The following GPR141 variants were observed in gnomAD, a reference collection of about 807,000 sequenced individuals.
GPR141 encodes probable G protein-coupled receptor 141.
Under a neutral mutation model 6.8 loss-of-function variants are expected in GPR141, and 6 were observed. The observed-to-expected ratio is 0.88, with a 90% CI of 0.48 to 1.74. GPR141 has a LOEUF of 1.74. Ranked by LOEUF, GPR141 falls within the 40% of genes most tolerant of loss-of-function variation. The pLI is 0.01. For synonymous variants in GPR141, 140 were observed against 142.3 expected (o/e 0.98, Z 0.11); for missense variants, 372 against 372.9 (o/e 1.00, Z 0.02).
chr7:37,706,982 C>T (rs1810553129), intron 2 of GPR141, among the ~76,000 whole-genome samples: 1 of 151,964 alleles, frequency 6.6e-6, no homozygotes, highest in Admixed American at 6.6e-5. Flanking sequence ...TCTTCTCTTC[C>T]ACGCCCACTG....
Position 37,741,278 on chromosome 7 carries a change from A to T in GPR141, c.885A>T (p.Ile295=). 6.2e-7 allele frequency: 1 copy of T among 1,600,678 alleles called. No individual in the cohort carries two copies. The highest frequency in any genetic ancestry group is 8.5e-7 in the Non-Finnish European group (1 of 1,171,780). The change falls in exon 3 of 3, where the codon ATA becomes ATT. Residue 295 remains isoleucine, a synonymous_variant. Coordinates refer to ENST00000334425, the MANE Select transcript of GPR141 (RefSeq NM_001381946.1). ...GAAGCCATTGGTTTAAGCAAAAGAT[A>T]ATTGGCTTATGGAATTGTGTTTTGT... is the stretch of plus-strand genomic sequence containing the variant. ...FGGSHWFKQK[I]IGLWNCVLCR
At chr7:37,710,202 A>AT (rs1012377410) in intron 2 of GPR141, among the ~76,000 whole-genome samples, 1 of 151,746 alleles carries the variant, frequency 6.6e-6, no homozygotes, top group Admixed American at 6.6e-5. Flanking sequence ...TCTTTTGGGT[A>AT]TTTTTTTTCT....
At chr7:37,736,723 A>G (rs1284245276) in intron 2 of GPR141, among the ~76,000 whole-genome samples, 1 of 152,190 alleles carries the variant, frequency 6.6e-6, no homozygotes, top group Non-Finnish European at 1.5e-5. Flanking sequence ...AGATGAAATG[A>G]AAACATTTTC....
intron 2 of GPR141, among the ~76,000 whole-genome samples, chr7:37,719,733 G>A (rs1302017640): frequency 6.6e-6 from 1 of 152,212 alleles, no homozygotes; most frequent in Non-Finnish European, 1.5e-5. Flanking sequence ...AGAATTAGGT[G>A]AGAAACTGAG....
At chr7:37,694,029 T>A (rs1583522438) in intron 2 of GPR141, among the ~76,000 whole-genome samples, 1 of 152,176 alleles carries the variant, frequency 6.6e-6, no homozygotes, top group East Asian at 1.9e-4. Flanking sequence ...GCTTAGGTGC[T>A]GCAGGGTATG....
rs1305358354 is a variant in GPR141, at chr7:37,693,949, C to T, written c.-15+8366C>T. ...CCAAGGGGCAATGAGCCACTTCAGCCAGTCCTGGAAGGCATGACTAGTCTG... is the reference window on the plus strand; with the variant it reads ...CCAAGGGGCAATGAGCCACTTCAGCTAGTCCTGGAAGGCATGACTAGTCTG... On this transcript the variant is annotated intron_variant, in intron 2 of 2. Coordinates refer to ENST00000334425, the MANE Select transcript of GPR141 (RefSeq NM_001381946.1). Among the ~76,000 whole-genome samples, 3 of 152,230 alleles carry T rather than the reference C, an allele frequency of 2.0e-5. No homozygotes were observed. In the East Asian group the frequency reaches 5.8e-4, roughly 29 times the overall value.
intron 2 of GPR141, among the ~76,000 whole-genome samples, chr7:37,699,422 G>A (rs866566325): frequency 6.6e-6 from 1 of 152,178 alleles, no homozygotes; most frequent in African/African-American, 2.4e-5. Context: ...TTAGCCGGGC[G>A]TGGTGGCGGG....
At chr7:37,691,192 A>C (rs960205244) in intron 2 of GPR141, among the ~76,000 whole-genome samples, 3 of 138,678 alleles carry the variant, frequency 2.2e-5, no homozygotes, top group African/African-American at 8.2e-5. Flanking sequence ...CTTCTAGTCT[A>C]TCTGTATTAT....
intron 2 of GPR141, among the ~76,000 whole-genome samples, chr7:37,723,318 T>C (rs1460257947): frequency 1.3e-5 from 2 of 151,990 alleles, no homozygotes; most frequent in Non-Finnish European, 2.9e-5. Context: ...GCCTAATTTT[T>C]CTTTAGTGCC....
rs1562784008 is a variant in GPR141, at chr7:37,723,682, G to A, written c.-14-16698G>A. On this transcript the variant is annotated intron_variant, in intron 2 of 2. Transcript: ENST00000334425. ...CACGTTTTGCCTGTCTGAAGGCCTC[G>A]TCCCTTACATGTCCGTATAGACATG... 5.3e-5 allele frequency among the ~76,000 whole-genome samples: 8 copies of A among 152,162 alleles called. No homozygotes were observed. In the South Asian group the frequency reaches 1.0e-3, roughly 20 times the overall value.
At chr7:37,720,605 G>T (rs1382287289) in intron 2 of GPR141, among the ~76,000 whole-genome samples, 3 of 152,024 alleles carry the variant, frequency 2.0e-5, no homozygotes, top group African/African-American at 7.2e-5. Flanking sequence ...GCCAGGGGTG[G>T]TGGTGGGCAC....
chr7:37,723,700 T>C (rs11982635), intron 2 of GPR141, among the ~76,000 whole-genome samples: 14 of 152,344 alleles, frequency 9.2e-5, no homozygotes, highest in African/African-American at 2.9e-4. Flanking sequence ...CATGTCCGTA[T>C]AGACATGTTT....
chr7:37,722,928 TTCC>T (rs1811412565), intron 2 of GPR141, among the ~76,000 whole-genome samples: 1 of 43,850 alleles, frequency 2.3e-5, no homozygotes, highest in Non-Finnish European at 4.7e-5. Flanking sequence ...TTTCCTTTCC[TTCC>T]TTCCTTCCTT....
chr7:37,738,243 C>T (rs950548519), intron 2 of GPR141, among the ~76,000 whole-genome samples: 1 of 152,236 alleles, frequency 6.6e-6, no homozygotes, highest in East Asian at 1.9e-4. Context: ...CCTGAAACAT[C>T]GAAGATGTGT....
At chr7:37,703,866 A>T (rs1230309246) in intron 2 of GPR141, among the ~76,000 whole-genome samples, 3 of 152,014 alleles carry the variant, frequency 2.0e-5, no homozygotes, top group African/African-American at 7.2e-5. Context: ...TGGTTCTATT[A>T]GTATATTTTT....
At chr7:37,740,352 A>G in intron 2 of GPR141, 28 bp from the exon 3 acceptor site, 2 of 1,401,928 alleles carry the variant, frequency 1.4e-6, no homozygotes, top group Non-Finnish European at 2.0e-6. Context: ...AAAGCTTGTC[A>G]GTTACTCTGG....
At chr7:37,694,207 G>A (rs1306673717) in intron 2 of GPR141, among the ~76,000 whole-genome samples, 2 of 152,248 alleles carry the variant, frequency 1.3e-5, no homozygotes, top group Admixed American at 1.3e-4. Flanking sequence ...AACTGGAAGG[G>A]ATGAGAAGCA....
chr7:37,691,288 C>CTTT (rs1562764892), intron 2 of GPR141, among the ~76,000 whole-genome samples: 28 of 63,072 alleles, frequency 4.4e-4, no homozygotes, highest in East Asian at 1.0e-3. Context: ...AGTCTATATC[C>CTTT]TTTTTTTTTT....
chr7:37,727,502 C>CT (rs1326241078), intron 2 of GPR141, among the ~76,000 whole-genome samples: 6 of 152,242 alleles, frequency 3.9e-5, no homozygotes, highest in South Asian at 4.2e-4. Context: ...TTTAAAGTTA[C>CT]TTTTTTCCAC....
Sources: allele counts gnomAD v4.1 joint callset (sites outside exome capture counted in the v4.1 genomes callset), GRCh38; gene constraint gnomAD v4.1.1; transcripts MANE v1.5; gene names NCBI Gene and HGNC (gene_info 2026-07-23, HGNC 2026-07-21).